Variants in TRPM1 observed in about 807,000 individuals in gnomAD.
The protein encoded by TRPM1 is transient receptor potential cation channel subfamily M member 1, also known as TRPM1-203 APA Isoform, Intron 10.
A neutral mutation model predicts 149.4 loss-of-function variants in TRPM1; 113 were observed. The observed-to-expected ratio is 0.76, with a 90% CI of 0.65 to 0.88. The LOEUF (loss-of-function observed/expected upper bound fraction) is 0.88, where lower values mean the gene tolerates loss of function less well. Ranked by LOEUF, TRPM1 falls within the 40% of genes least tolerant of loss-of-function variation. TRPM1 has a pLI of 0.00. For missense variants in TRPM1, 1,976 were observed against 2,038.7 expected, an observed-to-expected ratio of 0.97 and a Z score of 0.59; for synonymous variants, 741 against 759.5, an observed-to-expected ratio of 0.98 and a Z score of 0.40.
chr15:31,026,675 G>A (rs1266427475), intron 26 of TRPM1, among the ~76,000 whole-genome samples: 1 of 152,188 alleles, frequency 6.6e-6, no homozygotes, highest in African/African-American at 2.4e-5. Context: ...AGTTATTTTA[G>A]AGAATTAGCT....
At chr15:31,042,356 G>T in intron 16 of TRPM1, 113 bp from the exon 17 acceptor site, 8 of 1,092,834 alleles carry the variant, frequency 7.3e-6, no homozygotes, top group African/African-American at 1.6e-5. Context: ...AGAGACTTCT[G>T]AAGTACATCT....
chr15:31,011,775 G>A (rs778044755), intron 27 of TRPM1, among the ~76,000 whole-genome samples: 4 of 150,318 alleles, frequency 2.7e-5, no homozygotes, highest in South Asian at 2.1e-4. Context: ...AGTGATTCTC[G>A]TGCCTCAGCC....
chr15:31,094,913 A>T (rs892016332), intron 1 of TRPM1, among the ~76,000 whole-genome samples: 1 of 152,278 alleles, frequency 6.6e-6, no homozygotes, highest in Admixed American at 6.5e-5. Context: ...TCAAATAAAC[A>T]TGTAGCATTG....
At chr15:31,131,421 T>C (rs888140847) in intron 1 of TRPM1, among the ~76,000 whole-genome samples, 3 of 152,178 alleles carry the variant, frequency 2.0e-5, no homozygotes, top group Non-Finnish European at 4.4e-5. Context: ...GAATCTTCTA[T>C]GTGTGAAATT....
intron 11 of TRPM1, among the ~76,000 whole-genome samples, chr15:31,054,918 A>G (rs1344563271): frequency 1.3e-5 from 2 of 152,178 alleles, no homozygotes; most frequent in Non-Finnish European, 2.9e-5. Context: ...GTACTTTTAA[A>G]CCAAAATCTC....
rs374927551 is a variant in TRPM1 at position 31,060,028 on chromosome 15, C to T, written c.1263+516G>A. Among the ~76,000 whole-genome samples, 21 of 152,006 alleles carry T rather than the reference C, an allele frequency of 1.4e-4. No individual in the cohort carries two copies. In the South Asian group the frequency reaches 2.3e-3, roughly 17 times the overall value. ...GACACCCACATACACACTATACCAC[C>T]CATGGCCACACACATTACTCACCTA... On this transcript the variant is annotated intron_variant, in intron 11 of 27. Coordinates refer to ENST00000256552, the MANE Select transcript of TRPM1 (RefSeq NM_001252024.2).
At chr15:31,139,094 T>C (rs1289967584) in intron 1 of TRPM1, among the ~76,000 whole-genome samples, 2 of 152,206 alleles carry the variant, frequency 1.3e-5, no homozygotes, top group African/African-American at 4.8e-5. Context: ...ACATTCCATA[T>C]AACAGCCATT....
intron 3 of TRPM1, 185 bp from the exon 4 acceptor site, chr15:31,070,411 C>G: frequency 1.4e-6 from 1 of 715,240 alleles, no homozygotes; most frequent in Admixed American, 2.0e-5. Flanking sequence ...AATCAGTGCA[C>G]ATCTCTTTAT....
chr15:31,077,910 G>A (rs1015950831), intron 2 of TRPM1, among the ~76,000 whole-genome samples: 2 of 152,002 alleles, frequency 1.3e-5, no homozygotes. Context: ...TGTGGTATGT[G>A]TGCAGTGTAG....
At chr15:31,075,493 C>T (rs755939552) in intron 3 of TRPM1, among the ~76,000 whole-genome samples, 1 of 152,196 alleles carries the variant, frequency 6.6e-6, no homozygotes, top group Non-Finnish European at 1.5e-5. Flanking sequence ...ACCACTCTCA[C>T]TTTCTGTGGT....
Position 31,002,486 on chromosome 15 carries a change from T to C in TRPM1, c.4214A>G (p.Lys1405Arg), listed in dbSNP as rs1231618262. 1.2e-6 allele frequency: 2 copies of C among 1,614,224 alleles called. No individual in the cohort carries two copies. The highest frequency in any genetic ancestry group is 1.7e-5 in the Admixed American group (1 of 60,028). ...GTCCTGTCCATGTATCACATCTGTT[T>C]TATTTAAACTTGGGGAAATAGTTTC... ...KEETISPSLN[K>R]TDVIHGQDKS... Residue 1405 changes from lysine (K) to arginine (R), a missense_variant, in exon 28 of 28, where the codon AAA becomes AGA. Lys to Arg is a conservative substitution (Grantham distance 26). Transcript: ENST00000256552.
rs191760847 is a variant in TRPM1, at chr15:31,079,402, C to T, written c.3+1951G>A. ...GGAAGGAAGGAAACCTGGAAGGATC[C>T]GTTTCCAGGCTCACTCATGTGGTTG... On this transcript the variant is annotated intron_variant, in intron 2 of 27. Transcript: ENST00000256552. Among the ~76,000 whole-genome samples, 135 of 152,294 alleles carry T rather than the reference C, an allele frequency of 8.9e-4. 1 individual carries two copies. The East Asian group carries it at 0.02, about 22-fold the overall frequency.
chr15:31,087,335 C>T (rs963256096), intron 1 of TRPM1, among the ~76,000 whole-genome samples: 3 of 148,486 alleles, frequency 2.0e-5, no homozygotes, highest in South Asian at 4.3e-4. Context: ...AGCTCCGCCT[C>T]CCGGGTTCAC....
chr15:31,059,919 C>T (rs2034179372), intron 11 of TRPM1, among the ~76,000 whole-genome samples: 1 of 152,032 alleles, frequency 6.6e-6, no homozygotes, highest in Admixed American at 6.6e-5. Context: ...CGCTCATCCC[C>T]ATGTCACACA....
intron 22 of TRPM1, 39 bp downstream of exon 22, chr15:31,032,650 C>G (rs1300387733): frequency 6.2e-7 from 1 of 1,613,924 alleles, no homozygotes; most frequent in Non-Finnish European, 8.5e-7. Context: ...TAACTACAGC[C>G]AAAGTCTCTC....
chr15:31,132,739 T>C (rs1375611353), intron 1 of TRPM1, among the ~76,000 whole-genome samples: 4 of 152,184 alleles, frequency 2.6e-5, no homozygotes, highest in Non-Finnish European at 4.4e-5. Flanking sequence ...CCATGTGTCA[T>C]GGGAGGAACC....
intron 1 of TRPM1, among the ~76,000 whole-genome samples, chr15:31,134,486 C>T (rs1182291107): frequency 6.6e-6 from 1 of 152,142 alleles, no homozygotes; most frequent in East Asian, 1.9e-4. Flanking sequence ...AGGTGTCTGC[C>T]TCTCTGCACC....
intron 23 of TRPM1, among the ~76,000 whole-genome samples, chr15:31,030,320 G>A (rs2033007477): frequency 6.6e-6 from 1 of 152,068 alleles, no homozygotes; most frequent in South Asian, 2.1e-4. Context: ...GGGACTAAAA[G>A]TGCCTCCTTC....
chr15:31,073,177 T>C (rs1350212639), intron 3 of TRPM1, among the ~76,000 whole-genome samples: 1 of 152,190 alleles, frequency 6.6e-6, no homozygotes, highest in Non-Finnish European at 1.5e-5. Flanking sequence ...TTAACTTTTA[T>C]AGATAGCATG....
Sources: allele counts gnomAD v4.1 joint callset (sites outside exome capture counted in the v4.1 genomes callset), GRCh38; gene constraint gnomAD v4.1.1; transcripts MANE v1.5; gene names NCBI Gene and HGNC (gene_info 2026-07-23, HGNC 2026-07-21).